The following MTERF4 variants were observed in gnomAD, a reference collection of about 807,000 sequenced individuals.
The protein encoded by MTERF4 is mitochondrial transcription termination factor 4, also known as transcription termination factor 4, mitochondrial.
In MTERF4, 17 loss-of-function variants were observed where a neutral mutation model predicts 22.5. That is an observed-to-expected ratio of 0.75 (90% confidence interval 0.52 to 1.13). MTERF4 has a LOEUF of 1.13. Among genes scored for constraint, MTERF4 ranks in the 50% most tolerant of loss-of-function variants. The probability of loss-of-function intolerance (pLI) is 0.00; values close to 1 mark genes in which losing one functional copy is unlikely to be tolerated. For synonymous variants in MTERF4, 165 were observed against 175.3 expected (o/e 0.94, Z 0.47); for missense variants, 420 against 466.8 (o/e 0.90, Z 0.92).
the MTERF4 span, among the ~76,000 whole-genome samples, chr2:241,044,174 T>C: frequency 0.014 from 2,180 of 152,270 alleles, 52 homozygotes; most frequent in African/African-American, 0.05. Context: ...TAAAAGCCGA[T>C]AGCAAGATGA....
At chr2:241,064,090 G>A in the MTERF4 span, 1 of 1,568,862 alleles carries the variant, frequency 6.4e-7, no homozygotes. The surrounding 1 kb of genome is among the most constrained non-coding windows in gnomAD (Gnocchi z 7.0). Flanking sequence ...CTGTGCGTCT[G>A]CCCAGAGAGC....
At chr2:241,079,584 C>G (rs1263445900) in intron 4 of MTERF4, among the ~76,000 whole-genome samples, 3 of 152,032 alleles carry the variant, frequency 2.0e-5, no homozygotes, top group African/African-American at 7.3e-5. Context: ...GACTGGAGAT[C>G]GGCGAGGCTT....
At chr2:241,071,186 A>G (rs1458863154), downstream of MTERF4, among the ~76,000 whole-genome samples, 1 of 152,124 alleles carries the variant, frequency 6.6e-6, no homozygotes, top group African/African-American at 2.4e-5. Flanking sequence ...TCCCAGCTGA[A>G]GCGTCCCATC....
chr2:241,064,773 A>T, the MTERF4 span: 1 of 1,120,700 alleles, frequency 8.9e-7, no homozygotes, highest in Non-Finnish European at 1.3e-6. This position sits in a 1 kb window ranked among gnomAD's most constrained non-coding sequence, Gnocchi z 7.0. Context: ...GTGCCCCAGG[A>T]GCAAGGGCGG....
At chr2:241,099,370 C>T in intron 2 of MTERF4, 26 bp downstream of exon 2, 1 of 1,598,594 alleles carries the variant, frequency 6.3e-7, no homozygotes. Context: ...CCACCGCACC[C>T]AGCCAAAATC....
the MTERF4 span, chr2:241,052,005 A>C: frequency 3.2e-6 from 5 of 1,582,964 alleles, no homozygotes; most frequent in Non-Finnish European, 3.5e-6. Context: ...TGGGAGGGGC[A>C]GTGGGCTGTG....
downstream of MTERF4, chr2:241,089,123 G>A (rs1017359674): frequency 1.1e-5 from 6 of 552,052 alleles, no homozygotes; most frequent in East Asian, 6.8e-5. Flanking sequence ...CTTCACAATC[G>A]TTTGCAAGAG....
the MTERF4 span, chr2:241,053,128 C>T: frequency 9.4e-6 from 15 of 1,598,208 alleles, no homozygotes; most frequent in African/African-American, 1.1e-4. Context: ...CAGGACCGTG[C>T]GAGACAGGCT....
the MTERF4 span, among the ~76,000 whole-genome samples, chr2:241,044,456 G>C: frequency 6.6e-6 from 1 of 152,234 alleles, no homozygotes; most frequent in African/African-American, 2.4e-5. Flanking sequence ...GTAGCTGTCA[G>C]AGGACTCTGA....
the MTERF4 span, chr2:241,064,196 C>T: frequency 5.9e-5 from 64 of 1,076,226 alleles, no homozygotes; most frequent in Non-Finnish European, 7.5e-5. This position sits in a 1 kb window ranked among gnomAD's most constrained non-coding sequence, Gnocchi z 7.0. Context: ...GCCTGCTGCC[C>T]GCCCTCTGCC....
At chr2:241,086,370 G>A (rs1575136454), downstream of MTERF4, among the ~76,000 whole-genome samples, 1 of 130,532 alleles carries the variant, frequency 7.7e-6, no homozygotes, top group South Asian at 2.5e-4. Flanking sequence ...CTTCAGTACT[G>A]CCCCACAAAT....
the MTERF4 span, chr2:241,065,375 T>C: frequency 6.2e-7 from 1 of 1,613,058 alleles, no homozygotes; most frequent in Non-Finnish European, 8.5e-7. Flanking sequence ...ACCCGCCCAA[T>C]GGTCCAGCCG....
At chr2:241,076,629 A>T (rs1007285585) in intron 4 of MTERF4, among the ~76,000 whole-genome samples, 1 of 152,224 alleles carries the variant, frequency 6.6e-6, no homozygotes, top group Admixed American at 6.5e-5. Flanking sequence ...TGGGAGGCCT[A>T]GGCAGGTGAA....
the MTERF4 span, chr2:241,052,241 G>A: frequency 6.8e-6 from 10 of 1,471,774 alleles, no homozygotes; most frequent in Non-Finnish European, 8.5e-6. Context: ...GGCAGGGCTG[G>A]TCCAGGCCCT....
chr2:241,052,411 G>T, the MTERF4 span: 1 of 1,605,182 alleles, frequency 6.2e-7, no homozygotes, highest in Non-Finnish European at 8.5e-7. Context: ...CGAGGACCGG[G>T]ACACGGATTT....
downstream of MTERF4, among the ~76,000 whole-genome samples, chr2:241,091,355 G>C (rs1575162758): frequency 6.6e-6 from 1 of 152,216 alleles, no homozygotes; most frequent in East Asian, 1.9e-4. The surrounding 1 kb of genome is among the most constrained non-coding windows in gnomAD (Gnocchi z 4.1). Context: ...ACATTTAAAA[G>C]TTGCAATGCT....
At chr2:241,069,959 C>T, downstream of MTERF4, 1 of 1,612,980 alleles carries the variant, frequency 6.2e-7, no homozygotes, top group Non-Finnish European at 8.5e-7. The surrounding 1 kb of genome is among the most constrained non-coding windows in gnomAD (Gnocchi z 4.9). Context: ...GCCCGAGTCA[C>T]TGCCACCTCT....
chr2:241,049,824 A>G, the MTERF4 span: 8 of 1,613,072 alleles, frequency 5.0e-6, no homozygotes, highest in South Asian at 8.8e-5. Context: ...CAGCCCTGCC[A>G]TCACCCTGCG....
At chr2:241,100,853 G>A (rs1001734163) in intron 1 of MTERF4, among the ~76,000 whole-genome samples, 2 of 152,110 alleles carry the variant, frequency 1.3e-5, no homozygotes, top group East Asian at 3.9e-4. Flanking sequence ...GTGTGGGGGC[G>A]GTCTGGTGCC....
Sources: gnomAD v4.1 joint callset for allele counts (sites outside exome capture counted in the v4.1 genomes callset) on GRCh38, gnomAD v4.1.1 for gene constraint, Gnocchi (gnomAD v3.1) non-coding constraint, MANE v1.5 for transcripts, NCBI Gene and HGNC (gene_info 2026-07-23, HGNC 2026-07-21) for gene names.